Variants in DOCK2 observed in about 807,000 individuals in gnomAD.
DOCK2 encodes the protein dedicator of cytokinesis protein 2.
Under a neutral mutation model 248.9 loss-of-function variants are expected in DOCK2, and 87 were observed. The ratio of observed to expected loss-of-function variants is 0.35; its 90% CI spans 0.29 to 0.42. The LOEUF is 0.42. Among genes scored for constraint, DOCK2 ranks in the 10% least tolerant of loss-of-function variants. DOCK2 has a pLI of 1.00. For synonymous variants in DOCK2, 805 were observed against 821.6 expected, an observed-to-expected ratio of 0.98 and a Z score of 0.35; for missense variants, 1,747 against 2,300.2, an observed-to-expected ratio of 0.76 and a Z score of 4.92.
Position 169,689,248 on chromosome 5 carries a change from A to G in DOCK2, c.762-4A>G. The G allele has an allele frequency of 6.2e-7, 1 of 1,614,068 alleles. No individual in the cohort carries two copies. Among genetic ancestry groups the G allele is most frequent in the Non-Finnish European group, 8.5e-7 (1 of 1,179,946 alleles). ...GTAACGGGCTGCCACTCTTCTTCCC[A>G]CAGTGAGAACTACCTAGTGCGATGG... On this transcript the variant is annotated splice_polypyrimidine_tract_variant and splice_region_variant and intron_variant, in intron 8 of 51. Transcript: ENST00000520908.
chr5:169,741,803 ATTTTTTTTTTTT>A (rs33955559), intron 22 of DOCK2, among the ~76,000 whole-genome samples: 10 of 82,420 alleles, frequency 1.2e-4, no homozygotes, highest in African/African-American at 3.9e-4. Flanking sequence ...ATCTTTTACT[ATTTTTTTTTTTT>A]TTTTTTTTTT....
chr5:169,782,223 G>A (rs1765749393), intron 25 of DOCK2, among the ~76,000 whole-genome samples: 1 of 152,126 alleles, frequency 6.6e-6, no homozygotes, highest in African/African-American at 2.4e-5. Context: ...GAAAAGGAGA[G>A]AATAATTCCC....
intron 27 of DOCK2, among the ~76,000 whole-genome samples, chr5:169,871,893 G>C (rs1772002382): frequency 6.6e-6 from 1 of 152,168 alleles, no homozygotes; most frequent in Non-Finnish European, 1.5e-5. Flanking sequence ...CAAAAAAGGT[G>C]CTCTCCTTCT....
At chr5:169,810,542 G>A (rs1767673694) in intron 26 of DOCK2, among the ~76,000 whole-genome samples, 1 of 152,094 alleles carries the variant, frequency 6.6e-6, no homozygotes. Context: ...AAAGGAAATG[G>A]GATGATACAA....
intron 27 of DOCK2, among the ~76,000 whole-genome samples, chr5:169,932,738 G>A (rs1300371314): frequency 6.6e-6 from 1 of 152,130 alleles, no homozygotes. Flanking sequence ...GAAGGGAAAT[G>A]TGAATCCTCT....
chr5:169,876,414 AT>A (rs1433296232), intron 27 of DOCK2, among the ~76,000 whole-genome samples: 1 of 152,224 alleles, frequency 6.6e-6, no homozygotes, highest in Non-Finnish European at 1.5e-5. Flanking sequence ...TCCCAAAGAG[AT>A]CACTGGGACA....
At position 169,674,421 on chromosome 5, in the gene DOCK2, C is replaced by A; in HGVS notation, c.446C>A (p.Thr149Lys). 6.2e-7 allele frequency: 1 copy of A among 1,614,120 alleles called. No homozygotes were observed. The highest frequency in any genetic ancestry group is 8.5e-7 in the Non-Finnish European group (1 of 1,179,994). ...CTGAAGGAACTGAAGCAGAAAGTCA[C>A]GTCCAAAATTGACTATGGCAACAAG... ...DELKELKQKV[T>K]SKIDYGNKIL... is the part of the protein sequence containing the mutation. Residue 149 changes from threonine (T) to lysine (K), a missense_variant, in exon 6 of 52, where the codon ACG becomes AAG. Physicochemically the swap from Thr to Lys is moderately conservative, Grantham distance 78. Coordinates refer to ENST00000520908, the MANE Select transcript of DOCK2 (RefSeq NM_004946.3).
At position 170,076,066 on chromosome 5, in the gene DOCK2, G is replaced by A. The variant is rs1441337413; in HGVS notation, c.4848G>A (p.Glu1616=). 3 of 1,596,426 alleles carry A rather than the reference G, an allele frequency of 1.9e-6. No homozygotes were observed. Among genetic ancestry groups the A allele is most frequent in the Non-Finnish European group, 2.6e-6 (3 of 1,169,262 alleles). ...ACCTGAAAATGAAGGTGGAGAAGGA[G>A]TACGGTGTCCGAGAGATGGTATGGG... ...FKNLKMKVEK[E]YGVREMPDFD... is the part of the protein sequence containing the mutation. The change falls in exon 47 of 52, where the codon GAG becomes GAA. Residue 1616 remains glutamate, a synonymous_variant. Coordinates refer to ENST00000520908, the MANE Select transcript of DOCK2 (RefSeq NM_004946.3).
At chr5:169,876,184 A>T (rs1772323028) in intron 27 of DOCK2, among the ~76,000 whole-genome samples, 1 of 151,974 alleles carries the variant, frequency 6.6e-6, no homozygotes, top group Non-Finnish European at 1.5e-5. Flanking sequence ...GGCCCTTGTG[A>T]TTACACTGGG....
intron 1 of DOCK2, among the ~76,000 whole-genome samples, chr5:169,640,317 G>A (rs1045322670): frequency 2.0e-5 from 3 of 152,196 alleles, no homozygotes; most frequent in African/African-American, 7.2e-5. Flanking sequence ...TAAAGGGTGA[G>A]GGTAGAAAAG....
chr5:169,863,241 C>G (rs1487300404), intron 27 of DOCK2, among the ~76,000 whole-genome samples: 1 of 152,170 alleles, frequency 6.6e-6, no homozygotes, highest in Non-Finnish European at 1.5e-5. Flanking sequence ...GTTTTTCAAT[C>G]AGGTGACCAT....
At chr5:169,780,613 C>T (rs1489933354) in intron 25 of DOCK2, among the ~76,000 whole-genome samples, 1 of 152,202 alleles carries the variant, frequency 6.6e-6, no homozygotes, top group East Asian at 1.9e-4. Flanking sequence ...CACCAGCTTC[C>T]TGACTTCAGG....
intron 26 of DOCK2, among the ~76,000 whole-genome samples, chr5:169,826,810 T>G (rs979387249): frequency 7.9e-5 from 12 of 152,178 alleles, no homozygotes; most frequent in African/African-American, 2.9e-4. Flanking sequence ...AGCACCTCCC[T>G]CAGGACACCG....
At chr5:169,697,564 C>T (rs1423060776) in intron 10 of DOCK2, among the ~76,000 whole-genome samples, 1 of 152,202 alleles carries the variant, frequency 6.6e-6, no homozygotes, top group East Asian at 1.9e-4. Context: ...CTGCCCTAAT[C>T]ACAGCCCTGA....
intron 29 of DOCK2, among the ~76,000 whole-genome samples, chr5:169,989,977 T>G (rs1168643149): frequency 6.6e-6 from 1 of 152,224 alleles, no homozygotes; most frequent in African/African-American, 2.4e-5. Flanking sequence ...GATGAATCAC[T>G]GACACCCATT....
At chr5:170,076,214 C>T in intron 47 of DOCK2, 130 bp downstream of exon 47, 1 of 1,355,912 alleles carries the variant, frequency 7.4e-7, no homozygotes, top group South Asian at 1.5e-5. Context: ...TGATGGCCAG[C>T]ATTGCTGGAT....
intron 27 of DOCK2, among the ~76,000 whole-genome samples, chr5:169,900,815 C>T (rs1335057070): frequency 4.6e-5 from 7 of 152,062 alleles, no homozygotes; most frequent in African/African-American, 1.4e-4. Context: ...ATATTTCCTC[C>T]TATTACCAAG....
At chr5:169,727,078 AAAAG>A (rs1489098904) in intron 22 of DOCK2, among the ~76,000 whole-genome samples, 1 of 151,570 alleles carries the variant, frequency 6.6e-6, no homozygotes, top group Non-Finnish European at 1.5e-5. Flanking sequence ...AAAAAAAAAA[AAAAG>A]AAAAAAGAAA....
intron 1 of DOCK2, among the ~76,000 whole-genome samples, chr5:169,646,721 T>G (rs1354057655): frequency 6.6e-6 from 1 of 152,222 alleles, no homozygotes; most frequent in East Asian, 1.9e-4. Context: ...AGTTCTGCAT[T>G]GTAATGTCGC....
Sources: allele counts gnomAD v4.1 joint callset (sites outside exome capture counted in the v4.1 genomes callset), GRCh38; gene constraint gnomAD v4.1.1; transcripts MANE v1.5; gene names NCBI Gene and HGNC (gene_info 2026-07-23, HGNC 2026-07-21).